SLC6A11: variants seen among roughly 807,000 people sequenced by gnomAD.
SLC6A11 encodes solute carrier family 6 member 11, also known as sodium- and chloride-dependent GABA transporter 3.
Under a neutral mutation model 74.8 loss-of-function variants are expected in SLC6A11, and 25 were observed. That is an observed-to-expected ratio of 0.33 (90% confidence interval 0.24 to 0.47). The LOEUF is 0.47. SLC6A11 is among the 20% of genes least tolerant of loss of function. The pLI, the probability that SLC6A11 is intolerant of heterozygous loss-of-function variation, is 1.00. For synonymous variants in SLC6A11, 330 were observed against 330.2 expected (o/e 1.00, Z 0.01); for missense variants, 574 against 837.0 (o/e 0.69, Z 3.88).
At chr3:10,897,441 C>T (rs1384935385) in intron 6 of SLC6A11, among the ~76,000 whole-genome samples, 26 of 152,200 alleles carry the variant, frequency 1.7e-4, no homozygotes. Context: ...GAGGTACAGG[C>T]ATTGGGTAAA....
chr3:10,835,262 T>A (rs564761426), intron 4 of SLC6A11, among the ~76,000 whole-genome samples: 50 of 152,270 alleles, frequency 3.3e-4, no homozygotes, highest in Middle Eastern at 3.4e-3. Flanking sequence ...ATTTTTAAGC[T>A]GCTTGAGTCC....
At chr3:10,823,977 G>A (rs1694171732) in intron 4 of SLC6A11, 1 of 152,920 alleles carries the variant, frequency 6.5e-6, no homozygotes, top group Non-Finnish European at 1.5e-5. Flanking sequence ...CATTGTTGGG[G>A]GTGTGTCTGA....
At chr3:10,865,044 C>G (rs1425109636) in intron 5 of SLC6A11, among the ~76,000 whole-genome samples, 2 of 152,202 alleles carry the variant, frequency 1.3e-5, no homozygotes, top group Non-Finnish European at 2.9e-5. Flanking sequence ...GGTCTTGAAC[C>G]CTCAGATATG....
intron 5 of SLC6A11, among the ~76,000 whole-genome samples, chr3:10,871,276 C>T (rs998796576): frequency 6.6e-6 from 1 of 152,176 alleles, no homozygotes; most frequent in African/African-American, 2.4e-5. Context: ...AAAGTGGCCC[C>T]ACAGGTGAAG....
Position 10,934,128 on chromosome 3 carries a change from A to G in SLC6A11, c.1537A>G (p.Lys513Glu). 1 of 1,613,902 alleles carries G rather than the reference A, an allele frequency of 6.2e-7. No individual in the cohort carries two copies. The highest frequency in any genetic ancestry group is 1.1e-5 in the South Asian group (1 of 91,054). ...TGGCTACCGGCCACCGTCGCTCATT[A>G]AGTGGTGCTGGATGATCATGACCCC... is the stretch of plus-strand genomic sequence containing the variant. ...MIGYRPPSLI[K>E]WCWMIMTPGI... The change falls in exon 12 of 14, where the codon AAG becomes GAG. Residue 513 changes from lysine to glutamate, a missense_variant. Transcript: ENST00000254488.
chr3:10,921,495 G>A (rs1695536685), intron 8 of SLC6A11, among the ~76,000 whole-genome samples: 1 of 152,124 alleles, frequency 6.6e-6, no homozygotes, highest in Admixed American at 6.5e-5. Context: ...GCTAGTAGAT[G>A]AAACAAAATT....
chr3:10,898,870 G>A lies in SLC6A11; in HGVS notation c.892-13220G>A, dbSNP rs184160100. 2.0e-3 allele frequency among the ~76,000 whole-genome samples: 305 copies of A among 152,302 alleles called. 6 individuals carry two copies. The highest frequency in any genetic ancestry group is 7.2e-4 in the Non-Finnish European group (49 of 68,030). The stretch of plus-strand genomic sequence containing the variant: ...ACGTTGCTGATAAAGACATACCTGA[G>A]ACTGGGCAATTTACAAAAGAAAGAG... On this transcript the variant is annotated intron_variant, in intron 6 of 13. Coordinates refer to ENST00000254488, the MANE Select transcript of SLC6A11 (RefSeq NM_014229.3).
chr3:10,931,586 G>A (rs547812831), intron 10 of SLC6A11, among the ~76,000 whole-genome samples: 1 of 152,226 alleles, frequency 6.6e-6, no homozygotes, highest in Admixed American at 6.5e-5. Context: ...TTAAAAACAC[G>A]AAGTTGCCAA....
chr3:10,852,195 G>C (rs761233142), intron 5 of SLC6A11, among the ~76,000 whole-genome samples: 2 of 152,236 alleles, frequency 1.3e-5, no homozygotes, highest in African/African-American at 4.8e-5. Context: ...CTCTCCCAGC[G>C]GCCAGGGCCG....
intron 6 of SLC6A11, among the ~76,000 whole-genome samples, chr3:10,878,342 C>T (rs1694935530): frequency 6.6e-6 from 1 of 151,758 alleles, no homozygotes; most frequent in Non-Finnish European, 1.5e-5. Flanking sequence ...CTGCTGGAAA[C>T]ACTCCTTCTT....
chr3:10,933,330 G>C (rs1253163913), intron 11 of SLC6A11, 77 bp downstream of exon 11: 4 of 991,460 alleles, frequency 4.0e-6, no homozygotes, highest in Non-Finnish European at 6.5e-6. Context: ...ACTCTGGTTG[G>C]CTCTGGTTCT....
intron 4 of SLC6A11, among the ~76,000 whole-genome samples, chr3:10,843,991 A>T (rs1392151790): frequency 6.6e-6 from 1 of 152,142 alleles, no homozygotes; most frequent in East Asian, 1.9e-4. Flanking sequence ...ACATCTGCAG[A>T]CTTGCCTATC....
chr3:10,873,982 G>T, intron 5 of SLC6A11, among the ~76,000 whole-genome samples: 1 of 139,216 alleles, frequency 7.2e-6, no homozygotes, highest in Non-Finnish European at 1.5e-5. Flanking sequence ...GCTACGCTAC[G>T]CTACGCTACG....
At chr3:10,890,360 G>C (rs992881552) in intron 6 of SLC6A11, among the ~76,000 whole-genome samples, 2 of 152,164 alleles carry the variant, frequency 1.3e-5, no homozygotes, top group African/African-American at 4.8e-5. Context: ...GAAGAGTCAA[G>C]ACCTGAACCA....
At chr3:10,912,908 C>T (rs558007414) in intron 7 of SLC6A11, among the ~76,000 whole-genome samples, 198 of 152,122 alleles carry the variant, frequency 1.3e-3, no homozygotes, top group African/African-American at 4.5e-3. Context: ...GTGCCTGGTA[C>T]GCAATAGGTT....
At chr3:10,929,760 A>G (rs1575707809) in intron 10 of SLC6A11, among the ~76,000 whole-genome samples, 1 of 152,224 alleles carries the variant, frequency 6.6e-6, no homozygotes, top group Non-Finnish European at 1.5e-5. Flanking sequence ...AGAGGCTCCC[A>G]TGATGATATT....
chr3:10,935,540 C>T (rs115132915), intron 13 of SLC6A11: 385 of 225,862 alleles, frequency 1.7e-3, no homozygotes, highest in African/African-American at 7.9e-3. Flanking sequence ...CAAGTGTTAG[C>T]GCTGACTGTT....
intron 11 of SLC6A11, 125 bp from the exon 12 acceptor site, chr3:10,933,941 C>G: frequency 3.0e-6 from 2 of 660,708 alleles, no homozygotes. Context: ...TTAAGCAGTA[C>G]AAAGATTCCT....
At chr3:10,888,582 C>T (rs1305775262) in intron 6 of SLC6A11, among the ~76,000 whole-genome samples, 4 of 152,186 alleles carry the variant, frequency 2.6e-5, no homozygotes, top group African/African-American at 7.2e-5. Flanking sequence ...TGTCAGCAAA[C>T]ATTCAAGGTG....
Sources: gnomAD v4.1 joint callset for allele counts (sites outside exome capture counted in the v4.1 genomes callset) on GRCh38, gnomAD v4.1.1 for gene constraint, MANE v1.5 for transcripts, NCBI Gene and HGNC (gene_info 2026-07-23, HGNC 2026-07-21) for gene names.